MARCHF1: variants seen among roughly 807,000 people sequenced by gnomAD.
The protein encoded by MARCHF1 is membrane associated ring-CH-type finger 1, also known as E3 ubiquitin-protein ligase MARCHF1.
Under a neutral mutation model 54.2 loss-of-function variants are expected in MARCHF1, and 40 were observed. That is an observed-to-expected ratio of 0.74 (90% confidence interval 0.57 to 0.96). The LOEUF (loss-of-function observed/expected upper bound fraction) is 0.96. Ranked by LOEUF, MARCHF1 falls within the 40% of genes least tolerant of loss-of-function variation. The pLI is 0.00. For synonymous variants in MARCHF1, 236 were observed against 236.3 expected, an observed-to-expected ratio of 1.00 and a Z score of 0.01; for missense variants, 586 against 656.5, an observed-to-expected ratio of 0.89 and a Z score of 1.17.
intron 5 of MARCHF1, among the ~76,000 whole-genome samples, chr4:163,638,349 C>T (rs12641183): frequency 0.057 from 8,614 of 151,768 alleles, 339 homozygotes; most frequent in East Asian, 0.17. Context: ...ATGGCTTAGT[C>T]CCATCGTCTT....
intron 3 of MARCHF1, among the ~76,000 whole-genome samples, chr4:163,860,631 TAA>T (rs1749903027): frequency 2.0e-5 from 3 of 152,140 alleles, no homozygotes; most frequent in Admixed American, 2.0e-4. Context: ...GATTGAATCA[TAA>T]AGTTACAGAA....
intron 1 of MARCHF1, among the ~76,000 whole-genome samples, chr4:164,317,204 C>A (rs1172217166): frequency 6.6e-6 from 1 of 152,080 alleles, no homozygotes; most frequent in East Asian, 1.9e-4. Context: ...TATTAGTAAC[C>A]AGTTTACCTG....
At chr4:163,785,510 T>C (rs1317506878) in intron 4 of MARCHF1, among the ~76,000 whole-genome samples, 1 of 151,926 alleles carries the variant, frequency 6.6e-6, no homozygotes, top group Non-Finnish European at 1.5e-5. Context: ...ATCAAGACAA[T>C]GACTTTTTTT....
chr4:163,637,186 G>A (rs1262385393), intron 5 of MARCHF1, among the ~76,000 whole-genome samples: 3 of 152,050 alleles, frequency 2.0e-5, no homozygotes, highest in Admixed American at 6.6e-5. Flanking sequence ...ATAGGCATGG[G>A]CAAGGACTTC....
intron 4 of MARCHF1, among the ~76,000 whole-genome samples, chr4:163,827,998 A>G (rs1398797401): frequency 6.9e-6 from 1 of 144,332 alleles, no homozygotes; most frequent in Non-Finnish European, 1.5e-5. Context: ...CCTCCCTCCA[A>G]AAGTGTGCGC....
chr4:163,977,132 GATT>G (rs1468314722), intron 3 of MARCHF1, among the ~76,000 whole-genome samples: 3 of 151,336 alleles, frequency 2.0e-5, no homozygotes, highest in Non-Finnish European at 2.9e-5. Context: ...GAACAATAGT[GATT>G]ATTATAAATA....
chr4:164,035,509 C>A (rs1753973022), intron 2 of MARCHF1, among the ~76,000 whole-genome samples: 1 of 150,728 alleles, frequency 6.6e-6, no homozygotes. Context: ...GTAAAGTATA[C>A]ACATATTCAT....
chr4:163,531,417 C>G (rs892095522), intron 9 of MARCHF1, among the ~76,000 whole-genome samples: 29 of 151,706 alleles, frequency 1.9e-4, no homozygotes, highest in African/African-American at 6.0e-4. Context: ...AAATACGACG[C>G]TCAATCATGA....
chr4:164,113,559 G>A (rs945783277), intron 1 of MARCHF1, among the ~76,000 whole-genome samples: 8 of 151,994 alleles, frequency 5.3e-5, no homozygotes, highest in Admixed American at 6.6e-5. Flanking sequence ...CAGCACCGGC[G>A]TTCTTACATA....
At chr4:164,033,071 A>C (rs1226743410) in intron 2 of MARCHF1, among the ~76,000 whole-genome samples, 1 of 151,988 alleles carries the variant, frequency 6.6e-6, no homozygotes. Flanking sequence ...TCTCTATTTA[A>C]TAAATGGTGC....
intron 5 of MARCHF1, among the ~76,000 whole-genome samples, chr4:163,649,116 G>A (rs1742871979): frequency 6.6e-6 from 1 of 151,820 alleles, no homozygotes; most frequent in Admixed American, 6.6e-5. Context: ...TTTATTTCTG[G>A]TGAATTAGGT....
intron 3 of MARCHF1, among the ~76,000 whole-genome samples, chr4:163,943,293 T>A (rs186417369): frequency 6.6e-6 from 1 of 152,202 alleles, no homozygotes; most frequent in Non-Finnish European, 1.5e-5. Context: ...ACAGCCTAGG[T>A]TGTCTTCCAG....
chr4:164,337,051 G>A (rs933269298), intron 1 of MARCHF1, among the ~76,000 whole-genome samples: 3 of 152,066 alleles, frequency 2.0e-5, no homozygotes, highest in Non-Finnish European at 2.9e-5. Flanking sequence ...AGGAAAGGGA[G>A]GAGAGAAAGG....
intron 3 of MARCHF1, among the ~76,000 whole-genome samples, chr4:163,925,362 A>G (rs1051167800): frequency 6.6e-6 from 1 of 151,790 alleles, no homozygotes; most frequent in Non-Finnish European, 1.5e-5. Context: ...CAGACATCCC[A>G]ACTCAATACC....
intron 1 of MARCHF1, among the ~76,000 whole-genome samples, chr4:164,229,991 C>T (rs112542420): frequency 1.3e-3 from 192 of 152,286 alleles, no homozygotes; most frequent in African/African-American, 4.4e-3. Context: ...AACCGTACCA[C>T]CTGCCTTGAC....
intron 2 of MARCHF1, among the ~76,000 whole-genome samples, chr4:164,019,139 A>T (rs1276353027): frequency 6.6e-6 from 1 of 152,106 alleles, no homozygotes; most frequent in Non-Finnish European, 1.5e-5. Context: ...CAGGTGAGTG[A>T]GGTTAGGGTA....
intron 2 of MARCHF1, among the ~76,000 whole-genome samples, chr4:164,053,537 G>A (rs1754418775): frequency 6.6e-6 from 1 of 152,090 alleles, no homozygotes; most frequent in Non-Finnish European, 1.5e-5. Flanking sequence ...TGGTCTAGTA[G>A]AGCTTTTACA....
chr4:164,109,912 T>TAAAAAAAAAAAAAAA (rs57433858), intron 2 of MARCHF1, among the ~76,000 whole-genome samples: 19 of 63,154 alleles, frequency 3.0e-4, no homozygotes, highest in East Asian at 5.2e-4. Flanking sequence ...AAAATAAAAG[T>TAAAAAAAAAAAAAAA]AAAAAAAAAA....
rs536730205 is a variant in MARCHF1, at chr4:163,729,431, T to G, written c.112-28568A>C. On this transcript the variant is annotated intron_variant, in intron 4 of 9. Coordinates refer to ENST00000514618, the MANE Select transcript of MARCHF1 (RefSeq NM_001394959.1). ...GGTGCTTCCCTCTGTCTTGGAAGAT[T>G]ATTTATTATTCATTTAATTTATCTA... 8.1e-4 allele frequency among the ~76,000 whole-genome samples: 124 copies of G among 152,200 alleles called. 1 individual carries two copies. Among genetic ancestry groups the G allele is most frequent in the Admixed American group, 1.4e-3 (21 of 15,286 alleles).
Sources: allele counts gnomAD v4.1 joint callset (sites outside exome capture counted in the v4.1 genomes callset), GRCh38; gene constraint gnomAD v4.1.1; transcripts MANE v1.5; gene names NCBI Gene and HGNC (gene_info 2026-07-23, HGNC 2026-07-21).